ELL: variants seen among roughly 807,000 people sequenced by gnomAD.
ELL encodes the protein elongation factor for RNA polymerase II.
A neutral mutation model predicts 64.0 loss-of-function variants in ELL; 18 were observed. The ratio of observed to expected loss-of-function variants is 0.28; its 90% CI spans 0.19 to 0.42. The LOEUF (loss-of-function observed/expected upper bound fraction) is 0.42. Ranked by LOEUF, ELL falls within the 10% of genes least tolerant of loss-of-function variation. The pLI is 1.00. For synonymous variants in ELL, 399 were observed against 376.2 expected (o/e 1.06, Z -0.70); for missense variants, 797 against 870.4 (o/e 0.92, Z 1.06).
intron 1 of ELL, among the ~76,000 whole-genome samples, chr19:18,494,899 C>A (rs1347793613): frequency 6.6e-6 from 1 of 152,238 alleles, no homozygotes; most frequent in Non-Finnish European, 1.5e-5. Context: ...CTGGACAACT[C>A]TACCCTGTAC....
intron 6 of ELL, among the ~76,000 whole-genome samples, chr19:18,456,208 C>G (rs1974671306): frequency 6.6e-6 from 1 of 152,160 alleles, no homozygotes; most frequent in Non-Finnish European, 1.5e-5. Flanking sequence ...CTACCACACA[C>G]AGGACAGAAG....
chr19:18,467,406 C>A (rs1974962639), intron 2 of ELL, among the ~76,000 whole-genome samples: 5 of 152,046 alleles, frequency 3.3e-5, no homozygotes, highest in African/African-American at 1.2e-4. Context: ...TACAGAAACA[C>A]AAGCTGAGGG....
intron 1 of ELL, among the ~76,000 whole-genome samples, chr19:18,490,264 A>T (rs1163698500): frequency 6.9e-6 from 1 of 143,924 alleles, no homozygotes; most frequent in African/African-American, 2.5e-5. Context: ...TGCTTCTTGA[A>T]CCATTTGAGG....
chr19:18,494,043 G>A (rs542313423), intron 1 of ELL, among the ~76,000 whole-genome samples: 1 of 152,252 alleles, frequency 6.6e-6, no homozygotes, highest in South Asian at 2.1e-4. Flanking sequence ...GATATCTCCA[G>A]GTCTTTCTCC....
intron 1 of ELL, among the ~76,000 whole-genome samples, chr19:18,480,562 G>A (rs554199703): frequency 6.6e-6 from 1 of 152,246 alleles, no homozygotes; most frequent in Non-Finnish European, 1.5e-5. Context: ...AGGTGGGCCT[G>A]TAAGAGCAGG....
Position 18,521,995 on chromosome 19 carries a change from T to C in ELL, c.61A>G (p.Ser21Gly). The change falls in exon 1 of 12, where the codon AGC (serine) becomes GGC (glycine). Residue 21 changes from serine (S) to glycine (G), a missense_variant. By Grantham distance (56) the Ser-to-Gly change is moderately conservative. Coordinates refer to ENST00000262809, the MANE Select transcript of ELL (RefSeq NM_006532.4). ...GLSCGRVSDGSKVSVFHVKLT... is the reference protein window; with the variant it reads ...GLSCGRVSDGGKVSVFHVKLT... ...TTCACGTGGAACACCGACACCTTGC[T>C]GCCGTCGCTAACCCGCCCGCACGAC... is the stretch of plus-strand genomic sequence containing the variant. 1 of 1,611,408 alleles carries C rather than the reference T, an allele frequency of 6.2e-7. No individual in the cohort carries two copies. The highest frequency in any genetic ancestry group is 8.5e-7 in the Non-Finnish European group (1 of 1,178,878).
intron 4 of ELL, among the ~76,000 whole-genome samples, chr19:18,463,325 C>CCT: frequency 1.4e-5 from 1 of 73,250 alleles, no homozygotes; most frequent in South Asian, 5.1e-4. Context: ...ACATTCACAT[C>CCT]TTTTTTTTTT....
intron 1 of ELL, among the ~76,000 whole-genome samples, chr19:18,488,930 C>T (rs1225456250): frequency 6.6e-6 from 1 of 152,218 alleles, no homozygotes; most frequent in Non-Finnish European, 1.5e-5. Flanking sequence ...GTCATGCGTC[C>T]TGGACCGGCT....
intron 2 of ELL, among the ~76,000 whole-genome samples, chr19:18,468,823 G>C (rs1041782132): frequency 6.6e-6 from 1 of 152,232 alleles, no homozygotes; most frequent in Non-Finnish European, 1.5e-5. Context: ...TGGCTTCAGG[G>C]GAGATGCCAC....
intron 1 of ELL, among the ~76,000 whole-genome samples, chr19:18,499,761 G>A (rs1460339463): frequency 6.6e-6 from 1 of 152,274 alleles, no homozygotes; most frequent in East Asian, 1.9e-4. Context: ...CAGGGGACAA[G>A]GGCTGGGAGA....
intron 8 of ELL, 83 bp downstream of exon 8, chr19:18,450,394 C>A (rs1389426123): frequency 2.6e-6 from 4 of 1,542,568 alleles, no homozygotes; most frequent in Non-Finnish European, 2.6e-6. Flanking sequence ...ACAGCTTGAG[C>A]CCCCTCGACA....
intron 1 of ELL, among the ~76,000 whole-genome samples, chr19:18,479,469 G>C (rs1315517435): frequency 6.6e-6 from 1 of 152,208 alleles, no homozygotes; most frequent in Non-Finnish European, 1.5e-5. Context: ...AGCATTTTGG[G>C]AGGCTGAGGC....
intron 1 of ELL, among the ~76,000 whole-genome samples, chr19:18,512,990 C>A (rs958954401): frequency 6.6e-6 from 1 of 152,200 alleles, no homozygotes; most frequent in Non-Finnish European, 1.5e-5. Context: ...CTGAGGCCCC[C>A]GATGGGCCTG....
intron 1 of ELL, among the ~76,000 whole-genome samples, chr19:18,513,747 C>T (rs1055311433): frequency 2.0e-5 from 3 of 151,928 alleles, no homozygotes; most frequent in Admixed American, 6.6e-5. Flanking sequence ...CTGGCTAACA[C>T]GGTGAAACCC....
At chr19:18,499,370 T>G (rs1205359266) in intron 1 of ELL, among the ~76,000 whole-genome samples, 1 of 152,196 alleles carries the variant, frequency 6.6e-6, no homozygotes, top group Non-Finnish European at 1.5e-5. Flanking sequence ...ATGATCTAAC[T>G]TGCAAGGCTG....
At position 18,510,405 on chromosome 19, in the gene ELL, G is replaced by A. The variant is rs181027503; in HGVS notation, c.135+11516C>T. Among the ~76,000 whole-genome samples, 142 of 152,318 alleles carry A rather than the reference G, an allele frequency of 9.3e-4. 1 individual carries two copies. The highest frequency in any genetic ancestry group is 3.4e-3 in the African/African-American group (140 of 41,580). On this transcript the variant is annotated intron_variant, in intron 1 of 11. Transcript: ENST00000262809. ...AAAGAGAAACCTGCATCCCAACACA[G>A]GCCGGGCAACCGCACACTGGCTATG...
intron 2 of ELL, among the ~76,000 whole-genome samples, chr19:18,469,672 C>G (rs1248132519): frequency 6.6e-6 from 1 of 152,214 alleles, no homozygotes; most frequent in Non-Finnish European, 1.5e-5. Flanking sequence ...TGCTCACAGA[C>G]ACAGAGCCCA....
intron 1 of ELL, among the ~76,000 whole-genome samples, chr19:18,480,653 G>A (rs1415555866): frequency 6.6e-6 from 1 of 152,128 alleles, no homozygotes; most frequent in Non-Finnish European, 1.5e-5. Context: ...TTTCTTTTTG[G>A]AGATAAGCTC....
chr19:18,461,950 A>T, intron 4 of ELL, 98 bp from the exon 5 acceptor site: 1 of 1,456,480 alleles, frequency 6.9e-7, no homozygotes, highest in Non-Finnish European at 9.3e-7. Context: ...GACTATAGAC[A>T]GTGCTGGTGG....
Sources: gnomAD v4.1 joint callset for allele counts (sites outside exome capture counted in the v4.1 genomes callset) on GRCh38, gnomAD v4.1.1 for gene constraint, MANE v1.5 for transcripts, NCBI Gene and HGNC (gene_info 2026-07-23, HGNC 2026-07-21) for gene names.